The following IL15 variants were observed in gnomAD, a reference collection of about 807,000 sequenced individuals.
IL15 encodes the protein interleukin-15.
Under a neutral mutation model 19.6 loss-of-function variants are expected in IL15, and 11 were observed. That is an observed-to-expected ratio of 0.56 (90% CI 0.35 to 0.93). The LOEUF (loss-of-function observed/expected upper bound fraction) is 0.93. Among genes scored for constraint, IL15 ranks in the 40% least tolerant of loss-of-function variants. The pLI is 0.01. For missense variants in IL15, 197 were observed against 186.5 expected (o/e 1.06, Z -0.33); for synonymous variants, 58 against 59.6 (o/e 0.97, Z 0.12).
intron 2 of IL15, among the ~76,000 whole-genome samples, chr4:141,667,437 C>G (rs1728028322): frequency 6.6e-6 from 1 of 152,148 alleles, no homozygotes; most frequent in African/African-American, 2.4e-5. Context: ...TGATTGCTTG[C>G]TTGTTGGTTA....
intron 2 of IL15, among the ~76,000 whole-genome samples, chr4:141,686,337 TA>T (rs1728712463): frequency 6.6e-6 from 1 of 151,278 alleles, no homozygotes; most frequent in South Asian, 2.1e-4. Context: ...AATAAATAAA[TA>T]AAAGGTGGGA....
intron 2 of IL15, among the ~76,000 whole-genome samples, chr4:141,669,441 C>T (rs1289483231): frequency 2.0e-5 from 3 of 152,004 alleles, no homozygotes; most frequent in African/African-American, 7.3e-5. Flanking sequence ...GTGATGAAGG[C>T]CTAGACTAAG....
intron 2 of IL15, among the ~76,000 whole-genome samples, chr4:141,695,039 C>T (rs554737410): frequency 6.6e-6 from 1 of 152,254 alleles, no homozygotes; most frequent in Admixed American, 6.5e-5. Flanking sequence ...CCATGCTTGT[C>T]CACACAAATA....
chr4:141,704,104 T>A (rs1409942432), intron 2 of IL15, among the ~76,000 whole-genome samples: 4 of 152,152 alleles, frequency 2.6e-5, no homozygotes, highest in African/African-American at 9.7e-5. Context: ...TGAATAGAAG[T>A]CATGGATAGG....
intron 1 of IL15, among the ~76,000 whole-genome samples, chr4:141,652,076 C>A (rs1360422578): frequency 1.3e-5 from 2 of 151,864 alleles, no homozygotes; most frequent in African/African-American, 4.8e-5. Flanking sequence ...TTTCCTTAGA[C>A]AAAAGCTGAA....
intron 2 of IL15, among the ~76,000 whole-genome samples, chr4:141,713,596 A>G (rs952591981): frequency 2.0e-5 from 3 of 152,134 alleles, no homozygotes; most frequent in African/African-American, 7.2e-5. Flanking sequence ...ACTGACCACT[A>G]CTTTCATACT....
intron 1 of IL15, among the ~76,000 whole-genome samples, chr4:141,653,326 T>C (rs1040171019): frequency 1.3e-5 from 2 of 152,202 alleles, no homozygotes; most frequent in Non-Finnish European, 2.9e-5. Context: ...TTTCTTCATA[T>C]ATGATTAGAC....
chr4:141,695,981 T>C (rs924278095), intron 2 of IL15, among the ~76,000 whole-genome samples: 5 of 152,264 alleles, frequency 3.3e-5, no homozygotes, highest in African/African-American at 1.2e-4. Context: ...ATTTTTGCTT[T>C]TGCTGCCTAT....
At chr4:141,726,920 C>T (rs1018959671) in intron 5 of IL15, among the ~76,000 whole-genome samples, 21 of 152,060 alleles carry the variant, frequency 1.4e-4, no homozygotes, top group African/African-American at 5.1e-4. Context: ...GAGAAACCTT[C>T]AAAGTCATAT....
intron 2 of IL15, among the ~76,000 whole-genome samples, chr4:141,684,370 TA>T (rs1342132581): frequency 6.6e-6 from 1 of 151,796 alleles, no homozygotes; most frequent in Non-Finnish European, 1.5e-5. Flanking sequence ...AAGTGATGTG[TA>T]AATTTTTTTT....
intron 2 of IL15, among the ~76,000 whole-genome samples, chr4:141,677,810 G>T (rs144540521): frequency 1.3e-5 from 2 of 152,302 alleles, no homozygotes; most frequent in East Asian, 3.9e-4. Context: ...ATCTCTCTAT[G>T]TTAAGGTTAA....
chr4:141,680,484 C>A (rs115344842), intron 2 of IL15, among the ~76,000 whole-genome samples: 1 of 152,240 alleles, frequency 6.6e-6, no homozygotes, highest in East Asian at 1.9e-4. Context: ...GTAAAGCTTC[C>A]TTCATGGAGA....
At chr4:141,664,979 C>T (rs2152164053) in intron 2 of IL15, among the ~76,000 whole-genome samples, 1 of 152,034 alleles carries the variant, frequency 6.6e-6, no homozygotes, top group South Asian at 2.1e-4. Flanking sequence ...TGTTCATGTG[C>T]TATTTGTATT....
chr4:141,685,627 A>C (rs1405507015), intron 2 of IL15, among the ~76,000 whole-genome samples: 1 of 152,234 alleles, frequency 6.6e-6, no homozygotes, highest in Non-Finnish European at 1.5e-5. Flanking sequence ...AATGCCAGTG[A>C]CATCATAGGT....
intron 2 of IL15, among the ~76,000 whole-genome samples, chr4:141,710,403 TACTACAGTC>T (rs1197132412): frequency 6.6e-6 from 1 of 152,232 alleles, no homozygotes; most frequent in Non-Finnish European, 1.5e-5. Context: ...CTATTCTTGT[TACTACAGTC>T]ATATTTACTT....
chr4:141,653,645 A>C (rs1727489647), intron 1 of IL15, among the ~76,000 whole-genome samples: 1 of 152,174 alleles, frequency 6.6e-6, no homozygotes, highest in Non-Finnish European at 1.5e-5. Context: ...ATTAAAAAAA[A>C]CTTCCCATTC....
intron 2 of IL15, among the ~76,000 whole-genome samples, chr4:141,696,425 C>T (rs1729097506): frequency 6.6e-6 from 1 of 151,978 alleles, no homozygotes; most frequent in Admixed American, 6.6e-5. Context: ...TTTAGTAGTT[C>T]CACATGAATT....
intron 2 of IL15, among the ~76,000 whole-genome samples, chr4:141,703,725 T>G (rs1035337518): frequency 6.8e-6 from 1 of 147,636 alleles, no homozygotes; most frequent in Non-Finnish European, 1.5e-5. Context: ...CTGCCTCCTA[T>G]CTGCTATCTT....
chr4:141,690,300 G>A (rs1728868014), intron 2 of IL15, among the ~76,000 whole-genome samples: 1 of 152,198 alleles, frequency 6.6e-6, no homozygotes, highest in Admixed American at 6.5e-5. Context: ...GCAGAAAGGG[G>A]CTCCCACAGT....
Sources: allele counts gnomAD v4.1 joint callset (sites outside exome capture counted in the v4.1 genomes callset), GRCh38; gene constraint gnomAD v4.1.1; transcripts MANE v1.5; gene names NCBI Gene and HGNC (gene_info 2026-07-23, HGNC 2026-07-21).